Variants in OCM observed in about 807,000 individuals in gnomAD.
The protein encoded by OCM is oncomodulin.
A neutral mutation model predicts 14.1 loss-of-function variants in OCM; 18 were observed. That is an observed-to-expected ratio of 1.28 (90% CI 0.88 to 1.89). The LOEUF (loss-of-function observed/expected upper bound fraction) is 1.89, where lower values mean the gene tolerates loss of function less well. OCM is among the 40% of genes most tolerant of loss of function. The pLI, the probability that OCM is intolerant of heterozygous loss-of-function variation, is 0.00. For synonymous variants in OCM, 48 were observed against 51.0 expected (o/e 0.94, Z 0.25); for missense variants, 140 against 137.6 (o/e 1.02, Z -0.09).
upstream of OCM, among the ~76,000 whole-genome samples, chr7:5,876,411 A>T (rs1176385882): frequency 6.6e-6 from 1 of 152,162 alleles, no homozygotes; most frequent in African/African-American, 2.4e-5. Flanking sequence ...TTGGCCTCCC[A>T]AAGTGCTGAG....
chr7:5,864,301 C>G, the OCM span, among the ~76,000 whole-genome samples: 2 of 150,326 alleles, frequency 1.3e-5, no homozygotes, highest in Non-Finnish European at 3.0e-5. Context: ...GAGCTGTGAT[C>G]GCACCACTGC....
chr7:5,882,417 T>G, intron 1 of OCM, 76 bp from the exon 2 acceptor site: 1 of 1,513,750 alleles, frequency 6.6e-7, no homozygotes. Context: ...TTTAATTATC[T>G]GTGTTTTTAG....
At position 5,886,173 on chromosome 7, in the gene OCM, C is replaced by G; in HGVS notation, c.*84C>G. 3 of 1,342,976 alleles carry G rather than the reference C, an allele frequency of 2.2e-6. No individual in the cohort carries two copies. The highest frequency in any genetic ancestry group is 3.2e-6 in the Non-Finnish European group (3 of 946,552). The allele number at this position is 1,342,976 out of a possible 1,614,324, so 83.2% of individuals were successfully genotyped here. ...CCCTGGGAATGGGGAACCCCACATC[C>G]CATCCCTACCTAATTTGTTAATTTT... On this transcript the variant is annotated 3_prime_UTR_variant, in exon 4 of 4. Transcript: ENST00000242104.
the OCM span, among the ~76,000 whole-genome samples, chr7:5,866,377 G>A: frequency 2.4e-4 from 13 of 54,632 alleles, no homozygotes; most frequent in African/African-American, 6.3e-4. Context: ...AGGGAGGGAG[G>A]AAAGGAGGAA....
chr7:5,880,503 C>A (rs1583170520), upstream of OCM, among the ~76,000 whole-genome samples: 1 of 152,072 alleles, frequency 6.6e-6, no homozygotes, highest in Non-Finnish European at 1.5e-5. Flanking sequence ...TTGCATCTGT[C>A]ATCCCAGCAC....
the OCM span, among the ~76,000 whole-genome samples, chr7:5,868,585 G>A: frequency 6.6e-6 from 1 of 151,942 alleles, no homozygotes; most frequent in East Asian, 1.9e-4. Flanking sequence ...AGAGTGAGGG[G>A]GAAAAAAGAC....
chr7:5,863,926 C>G, the OCM span, among the ~76,000 whole-genome samples: 1 of 152,062 alleles, frequency 6.6e-6, no homozygotes, highest in Non-Finnish European at 1.5e-5. Flanking sequence ...TGGGGACACT[C>G]TCCTCTGGTC....
upstream of OCM, among the ~76,000 whole-genome samples, chr7:5,880,483 G>C (rs1781187314): frequency 6.6e-6 from 1 of 152,118 alleles, no homozygotes; most frequent in Admixed American, 6.6e-5. Context: ...GACAGGCCTG[G>C]CTCGGTGGCT....
upstream of OCM, among the ~76,000 whole-genome samples, chr7:5,877,843 AAGG>A (rs1781126814): frequency 1.5e-5 from 2 of 137,410 alleles, no homozygotes; most frequent in Admixed American, 7.6e-5. Context: ...AAAAAAAAAA[AAGG>A]AGATCCTGAC....
chr7:5,861,990 C>T, the OCM span, among the ~76,000 whole-genome samples: 1 of 152,130 alleles, frequency 6.6e-6, no homozygotes, highest in Non-Finnish European at 1.5e-5. Flanking sequence ...GCCTCAAACT[C>T]CTGAGCTCAA....
intron 3 of OCM, among the ~76,000 whole-genome samples, chr7:5,884,373 A>T (rs531336489): frequency 1.3e-5 from 2 of 152,310 alleles, no homozygotes; most frequent in East Asian, 3.9e-4. Context: ...GAATAAGGGA[A>T]AGATTTACAT....
chr7:5,873,308 T>C, the OCM span, among the ~76,000 whole-genome samples: 1 of 151,518 alleles, frequency 6.6e-6, no homozygotes, highest in Non-Finnish European at 1.5e-5. Flanking sequence ...ATCTGGGAGG[T>C]AGAGGTCGCA....
the OCM span, among the ~76,000 whole-genome samples, chr7:5,873,064 A>T: frequency 1.3e-5 from 2 of 151,630 alleles, no homozygotes; most frequent in Non-Finnish European, 2.9e-5. Flanking sequence ...CCAGACCCTG[A>T]ATCTACAAAA....
At chr7:5,885,124 AG>A (rs1781305909) in intron 3 of OCM, among the ~76,000 whole-genome samples, 1 of 26,736 alleles carries the variant, frequency 3.7e-5, no homozygotes. Flanking sequence ...CTATCTCAAA[AG>A]AAAAAAAAAA....
At chr7:5,870,076 T>G in the OCM span, among the ~76,000 whole-genome samples, 1 of 152,102 alleles carries the variant, frequency 6.6e-6, no homozygotes, top group Non-Finnish European at 1.5e-5. Flanking sequence ...AGGAGTAGGC[T>G]GACATTTGCA....
the OCM span, among the ~76,000 whole-genome samples, chr7:5,866,857 C>T: frequency 6.6e-6 from 1 of 152,112 alleles, no homozygotes; most frequent in Non-Finnish European, 1.5e-5. Context: ...CCATGTAACC[C>T]GCTCCCACAA....
In OCM at chr7:5,883,909, G is replaced by A. The variant is rs767313972; in HGVS notation, c.214G>A (p.Glu72Lys). 6.2e-7 allele frequency: 1 copy of A among 1,612,654 alleles called. No individual in the cohort carries two copies. The highest frequency in any genetic ancestry group is 8.5e-7 in the Non-Finnish European group (1 of 1,179,240). The change falls in exon 3 of 4, where the codon GAG becomes AAG. Residue 72 changes from glutamate (E) to lysine (K), a missense_variant. Transcript: ENST00000242104. ...EELKFFLQKF[E>K]SGARELTESE... ...CTGTAGGTTTTTCCTCCAGAAGTTT[G>A]AGAGTGGTGCCAGAGAACTGACCGA...
At chr7:5,873,316 G>A in the OCM span, among the ~76,000 whole-genome samples, 20 of 152,142 alleles carry the variant, frequency 1.3e-4, no homozygotes, top group Middle Eastern at 3.4e-3. Flanking sequence ...GGTAGAGGTC[G>A]CAGTGAGCCT....
At chr7:5,877,389 G>A (rs1781115525), upstream of OCM, among the ~76,000 whole-genome samples, 1 of 151,340 alleles carries the variant, frequency 6.6e-6, no homozygotes, top group African/African-American at 2.4e-5. Context: ...GATTGCCTGA[G>A]CCCAGGAGGT....
Sources: gnomAD v4.1 joint callset for allele counts (sites outside exome capture counted in the v4.1 genomes callset) on GRCh38, gnomAD v4.1.1 for gene constraint, MANE v1.5 for transcripts, NCBI Gene and HGNC (gene_info 2026-07-23, HGNC 2026-07-21) for gene names.